Variants in COL6A2 observed in about 807,000 individuals in gnomAD.
COL6A2 encodes collagen alpha-2(VI) chain.
A neutral mutation model predicts 124.9 loss-of-function variants in COL6A2; 90 were observed. That is an observed-to-expected ratio of 0.72 (90% CI 0.61 to 0.86). The LOEUF is 0.86. Among genes scored for constraint, COL6A2 ranks in the 40% least tolerant of loss-of-function variants. The pLI is 0.00. For synonymous variants in COL6A2, 793 were observed against 618.2 expected (o/e 1.28, Z -4.19); for missense variants, 1,607 against 1,502.5 (o/e 1.07, Z -1.15).
At position 46,124,639 on chromosome 21, in the gene COL6A2, GTTCC is replaced by G; in HGVS notation, c.1672-8_1672-5del. ...GGGCCACTGAAGCCCACCTGTTCTT[GTTCC>G]TTCTCAGGCGGATCCTGGTCCCCCT... On this transcript the variant is annotated splice_region_variant and splice_polypyrimidine_tract_variant and intron_variant, in intron 21 of 27. Coordinates refer to ENST00000300527, the MANE Select transcript of COL6A2 (RefSeq NM_001849.4). 6.2e-7 allele frequency: 1 copy of G among 1,612,814 alleles called. No individual in the cohort carries two copies. Among genetic ancestry groups the G allele is most frequent in the Non-Finnish European group, 8.5e-7 (1 of 1,179,866 alleles).
rs770462436 is a variant in COL6A2, at chr21:46,117,897, A to G, written c.1077A>G (p.Glu359=). The change falls in exon 12 of 28, where the codon GAA becomes GAG. Residue 359 remains glutamate (E), a synonymous_variant. Transcript: ENST00000300527. Reference sequence around the variant, plus strand: ...AGGGCCCCGACGGTTACCCGGGGGAAGCAGGGAGTCCAGGGGAGCGAGGAG... The same window carrying G: ...AGGGCCCCGACGGTTACCCGGGGGAGGCAGGGAGTCCAGGGGAGCGAGGAG... ...GNRGPDGYPG[E]AGSPGERGDQ... is the part of the protein sequence containing the mutation. 1.2e-5 allele frequency: 19 copies of G among 1,612,574 alleles called. No individual in the cohort carries two copies. The highest frequency in any genetic ancestry group is 1.7e-5 in the Admixed American group (1 of 59,954).
Position 46,132,264 on chromosome 21 carries a change from C to G in COL6A2, c.2772C>G (p.Ala924=). ...ACGTGGGCGCAGGCGTGGTGCACGC[C>G]ATCAATGCCATCGTGCGCAGCCCGC... ...FSHVGAGVVH[A]INAIVRSPRG... is the part of the protein sequence containing the mutation. The change falls in exon 28 of 28, where the codon GCC becomes GCG. Residue 924 remains alanine (A), a synonymous_variant. Coordinates refer to ENST00000300527, the MANE Select transcript of COL6A2 (RefSeq NM_001849.4). 1 of 1,606,304 alleles carries G rather than the reference C, an allele frequency of 6.2e-7. No homozygotes were observed. The highest frequency in any genetic ancestry group is 1.1e-5 in the South Asian group (1 of 90,592).
At chr21:46,122,349 A>G in intron 19 of COL6A2, 147 bp from the exon 20 acceptor site, 2 of 1,286,278 alleles carry the variant, frequency 1.6e-6, no homozygotes, top group Non-Finnish European at 2.2e-6. Context: ...CATCAGGAAA[A>G]GAGCACAGCT....
chr21:46,111,936 G>C, intron 2 of COL6A2, 43 bp from the exon 3 acceptor site: 2 of 1,587,844 alleles, frequency 1.3e-6, no homozygotes, highest in Non-Finnish European at 1.7e-6. Context: ...TCCAACAGCA[G>C]TCCCTCCTGA....
chr21:46,126,604 C>T lies in COL6A2; in HGVS notation c.2461+63C>T, dbSNP rs563201878. The T allele has an allele frequency of 2.5e-6, 4 of 1,602,164 alleles. No individual in the cohort carries two copies. The South Asian group carries it at 3.3e-5, about 13-fold the overall frequency. On this transcript the variant is annotated intron_variant, in intron 27 of 27. Coordinates refer to ENST00000300527, the MANE Select transcript of COL6A2 (RefSeq NM_001849.4). ...CAAAGCAGCCCTGGTGTCCTTCCTC[C>T]TCGAGGGCCGGGCTGGGGGAGGGGC...
At chr21:46,129,253 C>G in intron 27 of COL6A2, 1 of 1,612,936 alleles carries the variant, frequency 6.2e-7, no homozygotes, top group Non-Finnish European at 8.5e-7. Context: ...GAAGAGGGGC[C>G]GGACGCCACC....
In COL6A2 at chr21:46,124,633, GTTC is replaced by G. The variant is rs2078630951; in HGVS notation, c.1672-15_1672-13del. 1 of 1,612,766 alleles carries G rather than the reference GTTC, an allele frequency of 6.2e-7. No homozygotes were observed. Among genetic ancestry groups the G allele is most frequent in the Middle Eastern group, 1.7e-4 (1 of 6,052 alleles). ...TCCCTGGGGCCACTGAAGCCCACCT[GTTC>G]TTGTTCCTTCTCAGGCGGATCCTGG... On this transcript the variant is annotated splice_polypyrimidine_tract_variant and intron_variant, in intron 21 of 27. Coordinates refer to ENST00000300527, the MANE Select transcript of COL6A2 (RefSeq NM_001849.4).
intron 27 of COL6A2, chr21:46,128,973 G>C: frequency 6.2e-7 from 1 of 1,609,364 alleles, no homozygotes; most frequent in Non-Finnish European, 8.5e-7. Context: ...GTGCCACCGT[G>C]CGGGTCTCCT....
intron 27 of COL6A2, among the ~76,000 whole-genome samples, chr21:46,127,714 T>C (rs2123673797): frequency 8.9e-6 from 1 of 112,768 alleles, no homozygotes. Context: ...CTGTGGGTGC[T>C]TTGCTATCAG....
At position 46,111,967 on chromosome 21, in the gene COL6A2, T is replaced by C. The variant is rs764277846; in HGVS notation, c.116-12T>C. 5.6e-6 allele frequency: 9 copies of C among 1,609,728 alleles called. No individual in the cohort carries two copies. Among genetic ancestry groups the C allele is most frequent in the South Asian group, 3.3e-5 (3 of 91,076 alleles). On this transcript the variant is annotated splice_polypyrimidine_tract_variant and intron_variant, in intron 2 of 27. Coordinates refer to ENST00000300527, the MANE Select transcript of COL6A2 (RefSeq NM_001849.4). ...CCTGAGGCTGGCTCGTGACAGGTCC[T>C]GTGCCCCACAGAGAAGACCGACTGC...
In COL6A2 at chr21:46,132,086, T is replaced by C. The variant is rs1263313209; in HGVS notation, c.2594T>C (p.Leu865Pro). ...FVEQVARRLT[L>P]ARRDDDPLNA... ...GAGCAGGTGGCGCGGCGGCTGACGC[T>C]GGCCCGGAGGGACGACGACCCTCTC... Residue 865 changes from leucine to proline, a missense_variant, in exon 28 of 28, where the codon CTG becomes CCG. Around this residue, in one of 3 missense-constraint regions of COL6A2, gnomAD observed 1,223 missense variants for 1,052.2 expected, o/e 1.16. Coordinates refer to ENST00000300527, the MANE Select transcript of COL6A2 (RefSeq NM_001849.4). The C allele has an allele frequency of 1.2e-6, 2 of 1,600,614 alleles. No individual in the cohort carries two copies. Among genetic ancestry groups the C allele is most frequent in the African/African-American group, 1.3e-5 (1 of 74,754 alleles).
chr21:46,111,310 C>T (rs1290570372), intron 1 of COL6A2, 140 bp from the exon 2 acceptor site: 6 of 607,082 alleles, frequency 9.9e-6, no homozygotes, highest in Non-Finnish European at 1.8e-5. Flanking sequence ...ACGGTGTGTG[C>T]TGGGCGCAGA....
intron 1 of COL6A2, among the ~76,000 whole-genome samples, chr21:46,105,165 C>T (rs997028797): frequency 6.6e-6 from 1 of 152,100 alleles, no homozygotes; most frequent in African/African-American, 2.4e-5. Context: ...ATAACTTGAG[C>T]CCAGGAGTTC....
Position 46,116,583 on chromosome 21 carries a change from C to T in COL6A2, c.928-68C>T, listed in dbSNP as rs2078473805. The T allele has an allele frequency of 2.5e-6, 4 of 1,608,978 alleles. No individual in the cohort carries two copies. ...GAGTTTGGCCCAAGGGCTTTGCCCCCCAGAGGCAGCAGTGCCCATGATGCT... is the reference window on the plus strand; with the variant it reads ...GAGTTTGGCCCAAGGGCTTTGCCCCTCAGAGGCAGCAGTGCCCATGATGCT... On this transcript the variant is annotated intron_variant, in intron 8 of 27. Coordinates refer to ENST00000300527, the MANE Select transcript of COL6A2 (RefSeq NM_001849.4). This position sits in a 1 kb window ranked among gnomAD's most constrained non-coding sequence, Gnocchi z 4.6.
intron 22 of COL6A2, 48 bp downstream of exon 22, chr21:46,124,761 AAC>A: frequency 1.2e-6 from 2 of 1,605,482 alleles, no homozygotes; most frequent in South Asian, 1.1e-5. Flanking sequence ...CTGCCAGGCC[AAC>A]ACACACCCAA....
chr21:46,120,134 G>A (rs1262376895), intron 15 of COL6A2, among the ~76,000 whole-genome samples: 2 of 148,944 alleles, frequency 1.3e-5, no homozygotes, highest in African/African-American at 4.9e-5. Context: ...CCCCCACTGA[G>A]GCACCTCTTA....
At chr21:46,124,293 T>TTGGGCGAA (rs200100948) in intron 21 of COL6A2, among the ~76,000 whole-genome samples, 29 of 151,090 alleles carry the variant, frequency 1.9e-4, no homozygotes, top group South Asian at 2.1e-4. Context: ...GGATGGGTGA[T>TTGGGCGAA]TGGGCGAATG....
At chr21:46,098,756 C>T (rs963779925) in intron 1 of COL6A2, 2 of 152,174 alleles carry the variant, frequency 1.3e-5, no homozygotes, top group Non-Finnish European at 2.9e-5. Context: ...GGCCTGGAGC[C>T]CACCAGGGCC....
rs1475972403 is a variant in COL6A2, at chr21:46,132,537, C to T, written c.3045C>T (p.Ile1015=). 34 of 1,604,492 alleles carry T rather than the reference C, an allele frequency of 2.1e-5. No individual in the cohort carries two copies. The highest frequency in any genetic ancestry group is 2.7e-5 in the Non-Finnish European group (32 of 1,179,116). The change falls in exon 28 of 28, where the codon ATC becomes ATT. Residue 1015 remains isoleucine (I), a synonymous_variant. Coordinates refer to ENST00000300527, the MANE Select transcript of COL6A2 (RefSeq NM_001849.4). ...LAQPGFFDRF[I]RWIC is the part of the protein sequence containing the mutation. The stretch of plus-strand genomic sequence containing the variant: ...AACCCGGCTTCTTCGACCGCTTCAT[C>T]CGCTGGATCTGCTAGCGCCGCCGCC...
Sources: gnomAD v4.1 joint callset for allele counts (sites outside exome capture counted in the v4.1 genomes callset) on GRCh38, gnomAD v4.1.1 for gene constraint, gnomAD v4.1.1 regional missense constraint, Gnocchi (gnomAD v3.1) non-coding constraint, MANE v1.5 for transcripts, NCBI Gene and HGNC (gene_info 2026-07-23, HGNC 2026-07-21) for gene names.